Variants in DELE1 observed in about 807,000 individuals in gnomAD.
The protein encoded by DELE1 is DAP3 binding cell death enhancer 1.
In DELE1, 54 loss-of-function variants were observed where a neutral mutation model predicts 59.3. That is an observed-to-expected ratio of 0.91 (90% CI 0.73 to 1.14). DELE1 has a LOEUF of 1.14. Ranked by LOEUF, DELE1 falls within the 50% of genes most tolerant of loss-of-function variation. The pLI, the probability that DELE1 is intolerant of heterozygous loss-of-function variation, is 0.00. For missense variants in DELE1, 636 were observed against 643.9 expected, an observed-to-expected ratio of 0.99 and a Z score of 0.13; for synonymous variants, 264 against 259.1, an observed-to-expected ratio of 1.02 and a Z score of -0.18.
chr5:141,934,460 A>C, intron 9 of DELE1, 34 bp from the exon 10 acceptor site: 5 of 1,614,180 alleles, frequency 3.1e-6, no homozygotes, highest in Non-Finnish European at 4.2e-6. Flanking sequence ...GAAAGTGACC[A>C]AGATGCCTTC....
intron 11 of DELE1, 110 bp downstream of exon 11, chr5:141,937,467 G>A (rs1752454020): frequency 1.5e-6 from 2 of 1,321,740 alleles, no homozygotes; most frequent in African/African-American, 1.5e-5. Flanking sequence ...AACCCCAGTG[G>A]TGGCTAAGAA....
chr5:141,937,934 C>T (rs1469453560), intron 11 of DELE1, among the ~76,000 whole-genome samples: 1 of 151,272 alleles, frequency 6.6e-6, no homozygotes, highest in Admixed American at 6.6e-5. Flanking sequence ...AAGCGATTCT[C>T]CTGCCTCAGC....
intron 7 of DELE1, among the ~76,000 whole-genome samples, chr5:141,932,723 A>C (rs1752010415): frequency 6.6e-6 from 1 of 152,290 alleles, no homozygotes; most frequent in South Asian, 2.1e-4. Context: ...GCTACTACCA[A>C]GAGAAGGAGG....
At position 141,940,665 on chromosome 5, in the gene DELE1, G is replaced by C; in HGVS notation, c.*1906G>C. ...TCGCCTGCTCCCTGCCTCCTTTTCA[G>C]GGCTGCCCTGCACACTGGCTCACCA... is the stretch of plus-strand genomic sequence containing the variant. On this transcript the variant is annotated 3_prime_UTR_variant, in exon 12 of 12. Transcript: ENST00000432126. The C allele has an allele frequency of 1.0e-6, 1 of 985,448 alleles. No homozygotes were observed. The highest frequency in any genetic ancestry group is 1.2e-6 in the Non-Finnish European group (1 of 829,824). 61.0% of individuals were successfully genotyped at this position (985,448 alleles called of 1,614,324 possible).
At chr5:141,928,487 T>C (rs1405785586) in intron 4 of DELE1, among the ~76,000 whole-genome samples, 189 bp downstream of exon 4, 2 of 152,232 alleles carry the variant, frequency 1.3e-5, no homozygotes, top group Admixed American at 6.5e-5. Context: ...CCTCAGTGTC[T>C]TTCCATTTCC....
At chr5:141,932,331 T>C (rs78894057) in intron 7 of DELE1, among the ~76,000 whole-genome samples, 3,778 of 152,310 alleles carry the variant, frequency 0.025, 78 homozygotes, top group Non-Finnish European at 0.039. Context: ...ATTCAGGTCT[T>C]GACACTGCTG....
intron 1 of DELE1, 152 bp downstream of exon 1, chr5:141,924,124 T>A: frequency 9.7e-7 from 1 of 1,028,074 alleles, no homozygotes; most frequent in Non-Finnish European, 1.5e-6. Flanking sequence ...CAGGGGCTGC[T>A]GGAATTTGAG....
chr5:141,928,289 C>T lies in DELE1; in HGVS notation c.403C>T (p.Pro135Ser). Residue 135 changes from proline to serine, a missense_variant, in exon 4 of 12, where the codon CCA (proline) becomes TCA (serine). Physicochemically the swap from Pro to Ser is moderately conservative, Grantham distance 74 (BLOSUM62 -1). Transcript: ENST00000432126. ...DRFFSSPLWH[P>S]CSSLRQHILP... is the part of the protein sequence containing the mutation. Reference sequence around the variant, plus strand: ...TTTCTTCTCATCTCCCTTGTGGCACCCATGCTCCTGTGAGTTCTCAGTCCT... The same window carrying T: ...TTTCTTCTCATCTCCCTTGTGGCACTCATGCTCCTGTGAGTTCTCAGTCCT... The T allele has an allele frequency of 1.2e-6, 2 of 1,614,034 alleles. No individual in the cohort carries two copies. The highest frequency in any genetic ancestry group is 1.7e-6 in the Non-Finnish European group (2 of 1,179,944).
At chr5:141,925,882 A>G (rs1328818477) in intron 3 of DELE1, among the ~76,000 whole-genome samples, 1 of 151,756 alleles carries the variant, frequency 6.6e-6, no homozygotes, top group Non-Finnish European at 1.5e-5. Context: ...TTATTTTTAA[A>G]TTATTATTTT....
intron 4 of DELE1, 91 bp from the exon 5 acceptor site, chr5:141,929,491 C>T: frequency 7.2e-7 from 1 of 1,388,130 alleles, no homozygotes; most frequent in Non-Finnish European, 9.9e-7. Flanking sequence ...CTCAGGTGAT[C>T]CACCCGCCTC....
At chr5:141,925,718 A>C (rs917531) in intron 3 of DELE1, among the ~76,000 whole-genome samples, 191 bp downstream of exon 3, 23,074 of 152,088 alleles carry the variant, frequency 0.15, 2,658 homozygotes, top group African/African-American at 0.33. Flanking sequence ...TTCCTCATTT[A>C]ATTCAGTAAA....
chr5:141,938,376 T>G, intron 11 of DELE1, 145 bp from the exon 12 acceptor site: 15 of 1,271,828 alleles, frequency 1.2e-5, no homozygotes, highest in Non-Finnish European at 1.6e-5. Flanking sequence ...CTTCTAGGGC[T>G]CTAAGAGCCC....
At chr5:141,927,860 T>G (rs1005148899) in intron 3 of DELE1, among the ~76,000 whole-genome samples, 2 of 152,252 alleles carry the variant, frequency 1.3e-5, no homozygotes, top group Non-Finnish European at 2.9e-5. Flanking sequence ...ATATTAGCAC[T>G]GTGCTGTACT....
At position 141,940,562 on chromosome 5, in the gene DELE1, C is replaced by T. The variant is rs1409185489; in HGVS notation, c.*1803C>T. On this transcript the variant is annotated 3_prime_UTR_variant, in exon 12 of 12. Transcript: ENST00000432126. Reference sequence around the variant, plus strand: ...CTGCTTCCCACCCCATCTCTCTCAACTTCTTAGTGGTCCTGCCATACTTTC... The same window carrying T: ...CTGCTTCCCACCCCATCTCTCTCAATTTCTTAGTGGTCCTGCCATACTTTC... 15 of 985,402 alleles carry T rather than the reference C, an allele frequency of 1.5e-5. No homozygotes were observed. The highest frequency in any genetic ancestry group is 1.2e-4 in the Admixed American group (2 of 16,250). The allele number at this position is 985,402 out of a possible 1,614,324, so 61.0% of individuals were successfully genotyped here.
In DELE1 at chr5:141,930,369, C is replaced by T. The variant is rs1008533514; in HGVS notation, c.754+95C>T. The T allele has an allele frequency of 6.0e-5, 53 of 878,724 alleles. No homozygotes were observed. The East Asian group carries it at 6.7e-4, about 11-fold the overall frequency. The allele number at this position is 878,724 out of a possible 1,614,324, so 54.4% of individuals were successfully genotyped here. ...TAGTCAAGATAGGGAGTGGCTTAAA[C>T]GAGAGATTTTATTTTCTCCCAGGTA... On this transcript the variant is annotated intron_variant, in intron 7 of 11. Transcript: ENST00000432126.
At chr5:141,933,496 T>G in intron 8 of DELE1, 95 bp downstream of exon 8, 1 of 989,348 alleles carries the variant, frequency 1.0e-6, no homozygotes, top group Non-Finnish European at 1.4e-6. Context: ...AAGTTTGGCT[T>G]CTTTTCTCCA....
In DELE1 at chr5:141,930,288, C is replaced by T; in HGVS notation, c.754+14C>T. 1 of 1,588,526 alleles carries T rather than the reference C, an allele frequency of 6.3e-7. No individual in the cohort carries two copies. Among genetic ancestry groups the T allele is most frequent in the Non-Finnish European group, 8.6e-7 (1 of 1,156,754 alleles). ...TCAACTTCCTGGGTAACCAAATGGA[C>T]CCTGCCCCAAGGCAGGAGGGTGGGA... is the stretch of plus-strand genomic sequence containing the variant. On this transcript the variant is annotated intron_variant, in intron 7 of 11. Coordinates refer to ENST00000432126, the MANE Select transcript of DELE1 (RefSeq NM_014773.5).
chr5:141,931,509 A>G (rs1225193370), intron 7 of DELE1, among the ~76,000 whole-genome samples: 2 of 152,178 alleles, frequency 1.3e-5, no homozygotes, highest in Non-Finnish European at 2.9e-5. Flanking sequence ...GTAGACAGAC[A>G]TGGATTGTAG....
rs1295090537 is a variant in DELE1 at position 141,940,235 on chromosome 5, A to G, written c.*1476A>G. 5.1e-6 allele frequency: 5 copies of G among 985,354 alleles called. No homozygotes were observed. Among genetic ancestry groups the G allele is most frequent in the South Asian group, 4.7e-5 (1 of 21,290 alleles). 61.0% of individuals were successfully genotyped at this position (985,354 alleles called of 1,614,324 possible). A position where few individuals can be genotyped will look rare whatever the true frequency, so the allele number is the denominator to read the frequency against. ...AAGCTGAGGCTCCGTCCTCATCTCTAAACTCTCCACTAACCAATTTAAAGG... is the reference window on the plus strand; with the variant it reads ...AAGCTGAGGCTCCGTCCTCATCTCTGAACTCTCCACTAACCAATTTAAAGG... On this transcript the variant is annotated 3_prime_UTR_variant, in exon 12 of 12. Transcript: ENST00000432126.
Sources: gnomAD v4.1 joint callset for allele counts (sites outside exome capture counted in the v4.1 genomes callset) on GRCh38, gnomAD v4.1.1 for gene constraint, MANE v1.5 for transcripts, NCBI Gene and HGNC (gene_info 2026-07-23, HGNC 2026-07-21) for gene names.